Variants in POLA1 observed in about 807,000 individuals in gnomAD.
POLA1 encodes the protein DNA polymerase alpha 1, catalytic subunit.
Under a neutral mutation model 124.0 loss-of-function variants are expected in POLA1, and 15 were observed. The ratio of observed to expected loss-of-function variants is 0.12; its 90% CI spans 0.08 to 0.19. The LOEUF is 0.19. Ranked by LOEUF, POLA1 falls within the 10% of genes least tolerant of loss-of-function variation. The pLI is 1.00. For missense variants in POLA1, 886 were observed against 1,103.4 expected, an observed-to-expected ratio of 0.80 and a Z score of 2.79; for synonymous variants, 408 against 389.4, an observed-to-expected ratio of 1.05 and a Z score of -0.56.
At chrX:24,907,864 CAAA>C (rs1401908656) in intron 35 of POLA1, among the ~76,000 whole-genome samples, 1 of 111,770 alleles carries the variant, frequency 8.9e-6, no homozygotes, top group Non-Finnish European at 1.9e-5. Context: ...CAGGTGAAAA[CAAA>C]AATCATAGCA....
At chrX:24,739,354 C>G in intron 19 of POLA1, 21 bp from the exon 20 acceptor site, 2 of 1,138,435 alleles carry the variant, frequency 1.8e-6, no homozygotes, top group Non-Finnish European at 1.2e-6. Flanking sequence ...ATGAAGTTTG[C>G]TTTTTGTTCC....
At chrX:24,968,959 A>C (rs1326734512) in intron 36 of POLA1, among the ~76,000 whole-genome samples, 1 of 111,598 alleles carries the variant, frequency 9.0e-6, no homozygotes. Flanking sequence ...ATGTAATCCC[A>C]GCACTTTGGG....
At chrX:24,862,840 A>G (rs749582382) in intron 34 of POLA1, among the ~76,000 whole-genome samples, 2 of 112,462 alleles carry the variant, frequency 1.8e-5, no homozygotes, top group Non-Finnish European at 3.8e-5. Flanking sequence ...TGAATGAGTC[A>G]AATCTATGCA....
intron 36 of POLA1, among the ~76,000 whole-genome samples, chrX:24,947,849 C>G (rs1408673819): frequency 1.8e-5 from 2 of 111,614 alleles, no homozygotes; most frequent in African/African-American, 6.5e-5. Flanking sequence ...GAAAAATAGC[C>G]CACAAGAAAT....
intron 26 of POLA1, among the ~76,000 whole-genome samples, chrX:24,799,476 C>T (rs889758886): frequency 1.3e-4 from 15 of 112,407 alleles, no homozygotes; most frequent in Non-Finnish European, 2.6e-4. Context: ...TCCTTTTTAG[C>T]GTATTACACT....
At chrX:24,737,603 G>C in intron 18 of POLA1, 22 bp from the exon 19 acceptor site, 1 of 747,787 alleles carries the variant, frequency 1.3e-6, no homozygotes, top group Non-Finnish European at 2.1e-6. Flanking sequence ...AACATTATCA[G>C]CTGCCTTCTT....
rs760861578 is a variant in POLA1 at position 24,916,267 on chromosome X, G to T, written c.4165-14186G>T. Among the ~76,000 whole-genome samples the T allele has an allele frequency of 4.8e-5, 5 of 105,139 alleles. No homozygotes were observed. In the Admixed American group the frequency reaches 5.0e-4, roughly 10 times the overall value. The allele number at this position is 105,139 out of a possible 115,157, so 91.3% of individuals were successfully genotyped here. A position where few individuals can be genotyped will look rare whatever the true frequency, so the allele number is the denominator to read the frequency against. ...AATGAAGCCTATTACAAGAACCTGA[G>T]AACTTTTTTTTTCTTTTTTCTTTTT... On this transcript the variant is annotated intron_variant, in intron 35 of 36. Transcript: ENST00000379068.
chrX:24,699,423 A>G lies in POLA1; in HGVS notation c.44-2A>G, dbSNP rs757360400. The G allele has an allele frequency of 8.8e-6, 10 of 1,142,712 alleles. No individual in the cohort carries two copies. In the African/African-American group the frequency reaches 1.8e-4, roughly 21 times the overall value. The allele number at this position is 1,142,712 out of a possible 1,213,427, so 94.2% of individuals were successfully genotyped here. The stretch of plus-strand genomic sequence containing the variant: ...TGTTGTAAATTTTTTTTCTTTTTTC[A>G]GCTCTGTCAGATTCAGGGAGTTTTG... On this transcript the variant is annotated splice_acceptor_variant, in intron 1 of 36. Transcript: ENST00000379068. LOFTEE classifies it high-confidence loss of function.
chrX:24,781,552 G>A (rs1187493650), intron 26 of POLA1, among the ~76,000 whole-genome samples: 1 of 111,843 alleles, frequency 8.9e-6, no homozygotes, highest in East Asian at 2.8e-4. Flanking sequence ...AAATTACAGA[G>A]TTAGGAAAAG....
At chrX:24,961,453 A>G (rs1234689554) in intron 36 of POLA1, among the ~76,000 whole-genome samples, 3 of 111,843 alleles carry the variant, frequency 2.7e-5, no homozygotes, top group Non-Finnish European at 5.6e-5. Context: ...AATATTAGCA[A>G]GTAGATGATG....
intron 18 of POLA1, 124 bp downstream of exon 18, chrX:24,735,612 T>C (rs890704591): frequency 2.4e-6 from 1 of 415,934 alleles, no homozygotes; most frequent in Non-Finnish European, 4.2e-6. Flanking sequence ...TGTGGACTGG[T>C]GGGAATTGCT....
chrX:24,824,502 T>C (rs1601773190), intron 31 of POLA1, among the ~76,000 whole-genome samples: 1 of 86,740 alleles, frequency 1.2e-5, no homozygotes, highest in Non-Finnish European at 2.2e-5. Flanking sequence ...AAAATGGGGG[T>C]CTCACTGTGT....
chrX:24,888,608 T>TG lies in POLA1; in HGVS notation c.4164+486_4164+487insG, dbSNP rs1271571857. On this transcript the variant is annotated intron_variant, in intron 35 of 36. Coordinates refer to ENST00000379068, the MANE Select transcript of POLA1 (RefSeq NM_001330360.2). ...TTGTTTTTTGTTTGCTTGTTTTTTT[T>TG]TTTTTTTTTTTTTTTTTTTGACGGA... is the stretch of plus-strand genomic sequence containing the variant. Among the ~76,000 whole-genome samples, 624 of 93,587 alleles carry TG rather than the reference T, an allele frequency of 6.7e-3. 6 individuals carry two copies. The highest frequency in any genetic ancestry group is 0.011 in the Non-Finnish European group (496 of 46,998). 81.3% of individuals were successfully genotyped at this position (93,587 alleles called of 115,157 possible).
chrX:24,824,160 C>T (rs1381602283), intron 31 of POLA1, among the ~76,000 whole-genome samples: 3 of 112,129 alleles, frequency 2.7e-5, no homozygotes, highest in African/African-American at 9.7e-5. Flanking sequence ...GTGAAGTTCA[C>T]AAATTACTAC....
chrX:24,899,396 C>T (rs913107247), intron 35 of POLA1, among the ~76,000 whole-genome samples: 1 of 111,570 alleles, frequency 9.0e-6, no homozygotes, highest in African/African-American at 3.3e-5. Flanking sequence ...AAATATATTT[C>T]ATGGGTGCAA....
At chrX:24,851,166 G>A (rs2046555116) in intron 34 of POLA1, among the ~76,000 whole-genome samples, 1 of 112,421 alleles carries the variant, frequency 8.9e-6, no homozygotes, top group Non-Finnish European at 1.9e-5. Flanking sequence ...CAAGGCAATA[G>A]CACAGAATAC....
chrX:24,819,841 G>GCA (rs2046057994), intron 30 of POLA1, among the ~76,000 whole-genome samples: 11 of 110,718 alleles, frequency 9.9e-5, no homozygotes, highest in African/African-American at 3.0e-4. Context: ...AGTGTGTGAT[G>GCA]TTCCCCTCCC....
chrX:24,746,891 T>C (rs1932033146), intron 24 of POLA1, among the ~76,000 whole-genome samples: 1 of 112,028 alleles, frequency 8.9e-6, no homozygotes, highest in Non-Finnish European at 1.9e-5. Context: ...ATTCTGAACC[T>C]TTGAAAGGGC....
intron 28 of POLA1, among the ~76,000 whole-genome samples, chrX:24,812,077 T>C (rs1161999739): frequency 3.6e-5 from 4 of 112,473 alleles, no homozygotes; most frequent in Non-Finnish European, 7.5e-5. Context: ...CACATTGTGC[T>C]CATACTGGGC....
Sources: allele counts gnomAD v4.1 joint callset (sites outside exome capture counted in the v4.1 genomes callset), GRCh38; gene constraint gnomAD v4.1.1; transcripts MANE v1.5; gene names NCBI Gene and HGNC (gene_info 2026-07-23, HGNC 2026-07-21).